PELI2: variants seen among roughly 807,000 people sequenced by gnomAD.
The protein encoded by PELI2 is pellino E3 ubiquitin protein ligase family member 2, also known as E3 ubiquitin-protein ligase pellino homolog 2.
A neutral mutation model predicts 42.3 loss-of-function variants in PELI2; 23 were observed. That is an observed-to-expected ratio of 0.54 (90% CI 0.39 to 0.77). The LOEUF (loss-of-function observed/expected upper bound fraction) is 0.77, where lower values mean the gene tolerates loss of function less well. PELI2 is among the 30% of genes least tolerant of loss of function. The pLI is 0.00. For missense variants in PELI2, 463 were observed against 553.2 expected (o/e 0.84, Z 1.64); for synonymous variants, 245 against 212.2 (o/e 1.15, Z -1.34).
intron 2 of PELI2, among the ~76,000 whole-genome samples, chr14:56,264,049 A>G (rs1415053838): frequency 6.6e-6 from 1 of 152,206 alleles, no homozygotes; most frequent in Non-Finnish European, 1.5e-5. Flanking sequence ...TAACTCCCAA[A>G]TTAATACTCA....
chr14:56,276,643 A>G (rs773240060), intron 2 of PELI2, among the ~76,000 whole-genome samples: 2 of 151,986 alleles, frequency 1.3e-5, no homozygotes, highest in South Asian at 2.1e-4. Context: ...GCCACTCCCC[A>G]CCTTCATGGG....
Position 56,219,849 on chromosome 14 carries a change from A to G in PELI2, c.207+41385A>G, listed in dbSNP as rs568393185. Among the ~76,000 whole-genome samples, 18 of 152,340 alleles carry G rather than the reference A, an allele frequency of 1.2e-4. No homozygotes were observed. The highest frequency in any genetic ancestry group is 4.3e-4 in the African/African-American group (18 of 41,578). On this transcript the variant is annotated intron_variant, in intron 2 of 5. Transcript: ENST00000267460. The surrounding 1 kb of genome is among the most constrained non-coding windows in gnomAD (Gnocchi z 4.1). ...CCACAGCGGACTTGAGGCAGCTGAC[A>G]TTCTTACAGAAAGAGTCCCTTGTTA...
At chr14:56,139,632 A>G (rs555455802) in intron 1 of PELI2, among the ~76,000 whole-genome samples, 2 of 152,240 alleles carry the variant, frequency 1.3e-5, no homozygotes, top group Admixed American at 6.5e-5. Flanking sequence ...ACTGCCTTCT[A>G]TGTTTGCAGC....
chr14:56,254,789 T>G (rs530780265), intron 2 of PELI2, among the ~76,000 whole-genome samples: 1 of 151,894 alleles, frequency 6.6e-6, no homozygotes, highest in Non-Finnish European at 1.5e-5. Context: ...TTAAACAAAT[T>G]TACAAGAAAA....
At chr14:56,190,630 T>C (rs549531217) in intron 2 of PELI2, among the ~76,000 whole-genome samples, 1 of 152,232 alleles carries the variant, frequency 6.6e-6, no homozygotes, top group African/African-American at 2.4e-5. Flanking sequence ...ATAGACTTTT[T>C]GTTGCTGACT....
chr14:56,139,056 G>A (rs1194471594), intron 1 of PELI2, among the ~76,000 whole-genome samples: 1 of 152,220 alleles, frequency 6.6e-6, no homozygotes, highest in African/African-American at 2.4e-5. Context: ...AGACAGCTGG[G>A]TTGAGGGGGA....
intron 2 of PELI2, among the ~76,000 whole-genome samples, chr14:56,253,243 C>T (rs1386697681): frequency 1.3e-5 from 2 of 152,320 alleles, no homozygotes; most frequent in South Asian, 2.1e-4. Context: ...CAGCCAATAT[C>T]ACACTGAATG....
At chr14:56,251,441 G>C (rs1038641518) in intron 2 of PELI2, among the ~76,000 whole-genome samples, 1 of 152,206 alleles carries the variant, frequency 6.6e-6, no homozygotes, top group Non-Finnish European at 1.5e-5. Context: ...GTTCTAGTAC[G>C]CGAAGCTTAA....
intron 2 of PELI2, among the ~76,000 whole-genome samples, chr14:56,220,014 A>G (rs1117310): frequency 0.62 from 93,660 of 152,112 alleles, 29,927 homozygotes; most frequent in African/African-American, 0.8. Flanking sequence ...TAAACAGTTT[A>G]GGTAAACAAT....
intron 2 of PELI2, among the ~76,000 whole-genome samples, chr14:56,250,780 C>T (rs1460500576): frequency 1.3e-5 from 2 of 152,178 alleles, no homozygotes; most frequent in African/African-American, 4.8e-5. Flanking sequence ...TGTTAATCTC[C>T]TTTGGCGACA....
chr14:56,239,353 A>C (rs1887898948), intron 2 of PELI2, among the ~76,000 whole-genome samples: 1 of 152,206 alleles, frequency 6.6e-6, no homozygotes. Context: ...TGCTTTTAAA[A>C]ATTCCTGGAC....
intron 1 of PELI2, among the ~76,000 whole-genome samples, chr14:56,131,860 GCCTGGGCGACACAGTGAAAC>G (rs1181634734): frequency 4.6e-5 from 7 of 152,258 alleles, no homozygotes; most frequent in African/African-American, 1.7e-4. Context: ...CCACACTCCA[GCCTGGGCGACACAGTGAAAC>G]CCTGTCTCAA....
At chr14:56,125,424 G>T (rs570478809) in intron 1 of PELI2, among the ~76,000 whole-genome samples, 14 of 149,954 alleles carry the variant, frequency 9.3e-5, no homozygotes, top group African/African-American at 3.0e-4. Flanking sequence ...GCAGGGGGGG[G>T]GTGAATTGGC....
intron 2 of PELI2, among the ~76,000 whole-genome samples, chr14:56,249,613 C>T (rs1370120174): frequency 6.6e-6 from 1 of 152,114 alleles, no homozygotes; most frequent in Non-Finnish European, 1.5e-5. Context: ...GAGCATGCTC[C>T]AGGTGTGTCT....
intron 2 of PELI2, among the ~76,000 whole-genome samples, chr14:56,243,524 TC>T (rs1888050991): frequency 6.6e-6 from 1 of 152,226 alleles, no homozygotes; most frequent in Admixed American, 6.5e-5. Flanking sequence ...ACTACCTCCT[TC>T]TAAGGTTGTT....
At chr14:56,270,649 C>G (rs1889071313) in intron 2 of PELI2, among the ~76,000 whole-genome samples, 2 of 152,330 alleles carry the variant, frequency 1.3e-5, no homozygotes, top group South Asian at 4.1e-4. Flanking sequence ...CTGCAGGGAA[C>G]TGCTCTAAAT....
Position 56,296,900 on chromosome 14 carries a change from AG to A in PELI2, c.1000del (p.Glu334SerfsTer24). 6.2e-7 allele frequency: 1 copy of A among 1,614,056 alleles called. No homozygotes were observed. Among genetic ancestry groups the A allele is most frequent in the Non-Finnish European group, 8.5e-7 (1 of 1,180,018 alleles). ...GHRSDTEANERECPMCRTVGP... is the reference protein window; with the variant it reads ...GHRSDTEANEXECPMCRTVGP... ...TCGGAGTGACACGGAGGCCAACGAG[AG>A]GGAGTGTCCCATGTGCAGGACTGTG... On this transcript the variant is annotated frameshift_variant, in exon 6 of 6. Coordinates refer to ENST00000267460, the MANE Select transcript of PELI2 (RefSeq NM_021255.3). LOFTEE classifies it high-confidence loss of function.
In PELI2 at chr14:56,118,708, A is replaced by G; in HGVS notation, c.48A>G (p.Pro16=). The change falls in exon 1 of 6, where the codon CCA becomes CCG. Residue 16 remains proline (P), a synonymous_variant. Coordinates refer to ENST00000267460, the MANE Select transcript of PELI2 (RefSeq NM_021255.3). Reference sequence around the variant, plus strand: ...AACACTGCGCCCCCAATAAGGAGCCAGTGAAATACGGGGAGCTGGTGGTGC... The same window carrying G: ...AACACTGCGCCCCCAATAAGGAGCCGGTGAAATACGGGGAGCTGGTGGTGC... The part of the protein sequence containing the change: ...QEEHCAPNKE[P]VKYGELVVLG... 1.3e-6 allele frequency: 2 copies of G among 1,530,592 alleles called. No individual in the cohort carries two copies. The highest frequency in any genetic ancestry group is 1.4e-5 in the African/African-American group (1 of 70,178). The allele number at this position is 1,530,592 out of a possible 1,614,324, so 94.8% of individuals were successfully genotyped here. A position where few individuals can be genotyped will look rare whatever the true frequency, so the allele number is the denominator to read the frequency against.
chr14:56,159,664 T>TA (rs558376528), intron 1 of PELI2, among the ~76,000 whole-genome samples: 2 of 152,032 alleles, frequency 1.3e-5, no homozygotes, highest in African/African-American at 4.8e-5. Flanking sequence ...ACCCATAGGG[T>TA]AAAAAAAATT....
Sources: gnomAD v4.1 joint callset for allele counts (sites outside exome capture counted in the v4.1 genomes callset) on GRCh38, gnomAD v4.1.1 for gene constraint, Gnocchi (gnomAD v3.1) non-coding constraint, MANE v1.5 for transcripts, NCBI Gene and HGNC (gene_info 2026-07-23, HGNC 2026-07-21) for gene names.